COBLL1: variants seen among roughly 807,000 people sequenced by gnomAD.
COBLL1 encodes the protein cordon-bleu WH2 repeat protein like 1, also known as cordon-bleu protein-like 1.
COBLL1 carries 50 observed loss-of-function variants against 94.8 expected under a neutral mutation model. The observed-to-expected ratio is 0.53, with a 90% CI of 0.42 to 0.67. The LOEUF is 0.67. COBLL1 is among the 30% of genes least tolerant of loss of function. COBLL1 has a pLI of 0.00. For synonymous variants in COBLL1, 448 were observed against 473.8 expected (o/e 0.95, Z 0.71); for missense variants, 1,362 against 1,348.7 (o/e 1.01, Z -0.15).
intron 2 of COBLL1, among the ~76,000 whole-genome samples, chr2:164,818,003 ATTTAC>A (rs1001565516): frequency 4.0e-5 from 6 of 151,864 alleles, no homozygotes; most frequent in African/African-American, 1.5e-4. Context: ...GGCTTTGTGT[ATTTAC>A]TTTTTCATAT....
chr2:164,841,122 C>A lies in COBLL1; in HGVS notation c.41+34G>T. 8.1e-7 allele frequency: 1 copy of A among 1,229,416 alleles called. No homozygotes were observed. The highest frequency in any genetic ancestry group is 1.6e-5 in the African/African-American group (1 of 64,380). The allele number at this position is 1,229,416 out of a possible 1,614,324, so 76.2% of individuals were successfully genotyped here. On this transcript the variant is annotated intron_variant, in intron 2 of 13. Transcript: ENST00000652658. This position sits in a 1 kb window ranked among gnomAD's most constrained non-coding sequence, Gnocchi z 5.5. ...CGCTGTCCTCGCCGGCCTCGCCCTC[C>A]CCGGTGAGAGGCGGCGCGGCGCTCT...
chr2:164,834,870 C>G (rs892105318), intron 2 of COBLL1, among the ~76,000 whole-genome samples: 3 of 152,080 alleles, frequency 2.0e-5, no homozygotes, highest in Non-Finnish European at 4.4e-5. Context: ...AGATGATTTA[C>G]AAATGGCCAA....
At chr2:164,720,749 T>C (rs1685402808) in intron 7 of COBLL1, among the ~76,000 whole-genome samples, 1 of 152,194 alleles carries the variant, frequency 6.6e-6, no homozygotes, top group African/African-American at 2.4e-5. Context: ...CTGCGTCTCT[T>C]AACAGGGTTC....
At chr2:164,820,628 T>C (rs1408659989) in intron 2 of COBLL1, among the ~76,000 whole-genome samples, 3 of 152,222 alleles carry the variant, frequency 2.0e-5, no homozygotes, top group Non-Finnish European at 4.4e-5. Context: ...GTATTCATAC[T>C]GTTCAGCTAG....
At chr2:164,746,618 A>G (rs1046392715) in intron 2 of COBLL1, among the ~76,000 whole-genome samples, 2 of 152,190 alleles carry the variant, frequency 1.3e-5, no homozygotes, top group Admixed American at 1.3e-4. Flanking sequence ...AAACCATCAT[A>G]AATCCAGATG....
upstream of COBLL1, chr2:164,841,951 A>G: frequency 2.0e-6 from 3 of 1,535,846 alleles, no homozygotes; most frequent in East Asian, 2.5e-5. This position sits in a 1 kb window ranked among gnomAD's most constrained non-coding sequence, Gnocchi z 5.5. Flanking sequence ...CCGCTCTCTC[A>G]CTCACCCTGC....
chr2:164,675,380 C>T (rs1691318937), downstream of COBLL1, among the ~76,000 whole-genome samples: 1 of 152,180 alleles, frequency 6.6e-6, no homozygotes, highest in Non-Finnish European at 1.5e-5. Flanking sequence ...TATCTCTCAA[C>T]ACACTTGTCA....
intron 13 of COBLL1, among the ~76,000 whole-genome samples, chr2:164,689,228 A>G (rs911794965): frequency 1.4e-4 from 21 of 152,126 alleles, no homozygotes; most frequent in Admixed American, 3.9e-4. Flanking sequence ...TAATTGTTCT[A>G]TTGTGAACCA....
At chr2:164,704,804 A>T in intron 8 of COBLL1, 148 bp downstream of exon 8, 1 of 874,262 alleles carries the variant, frequency 1.1e-6, no homozygotes, top group Non-Finnish European at 1.7e-6. Flanking sequence ...TCAGATTTTT[A>T]AACGGCAGCA....
At chr2:164,747,533 G>C (rs974629678) in intron 2 of COBLL1, among the ~76,000 whole-genome samples, 1 of 152,100 alleles carries the variant, frequency 6.6e-6, no homozygotes, top group Non-Finnish European at 1.5e-5. Context: ...ACCTAGGCTG[G>C]AGTGCAGTGG....
At chr2:164,734,312 G>T (rs1003226166) in intron 3 of COBLL1, among the ~76,000 whole-genome samples, 1 of 151,756 alleles carries the variant, frequency 6.6e-6, no homozygotes, top group African/African-American at 2.4e-5. Context: ...TCTGCGGAAA[G>T]ATAGCTTTGA....
At chr2:164,830,007 A>G (rs1361705752) in intron 2 of COBLL1, among the ~76,000 whole-genome samples, 2 of 152,234 alleles carry the variant, frequency 1.3e-5, no homozygotes, top group African/African-American at 4.8e-5. Context: ...TCCTAGGGCC[A>G]TGGTGATAAT....
chr2:164,826,819 A>C (rs769404887), intron 2 of COBLL1, among the ~76,000 whole-genome samples: 6 of 152,268 alleles, frequency 3.9e-5, no homozygotes, highest in Middle Eastern at 6.8e-3. Context: ...GTAGAGTATT[A>C]GGCTTACTTA....
At chr2:164,780,913 A>T (rs1688696758) in intron 2 of COBLL1, among the ~76,000 whole-genome samples, 1 of 152,162 alleles carries the variant, frequency 6.6e-6, no homozygotes, top group South Asian at 2.1e-4. Context: ...TGTTCCACTA[A>T]GTCAACTTTA....
chr2:164,841,121 C>A lies in COBLL1; in HGVS notation c.41+35G>T. 1.6e-6 allele frequency: 2 copies of A among 1,229,340 alleles called. No homozygotes were observed. Among genetic ancestry groups the A allele is most frequent in the Non-Finnish European group, 2.0e-6 (2 of 986,326 alleles). The allele number at this position is 1,229,340 out of a possible 1,614,324, so 76.2% of individuals were successfully genotyped here. A position where few individuals can be genotyped will look rare whatever the true frequency, so the allele number is the denominator to read the frequency against. On this transcript the variant is annotated intron_variant, in intron 2 of 13. Coordinates refer to ENST00000652658, the MANE Select transcript of COBLL1 (RefSeq NM_001365672.2). This position sits in a 1 kb window ranked among gnomAD's most constrained non-coding sequence, Gnocchi z 5.5. ...TCGCTGTCCTCGCCGGCCTCGCCCT[C>A]CCCGGTGAGAGGCGGCGCGGCGCTC...
chr2:164,841,432 T>C lies in COBLL1; in HGVS notation c.-50-186A>G. On this transcript the variant is annotated intron_variant, in intron 1 of 13. Coordinates refer to ENST00000652658, the MANE Select transcript of COBLL1 (RefSeq NM_001365672.2). This position sits in a 1 kb window ranked among gnomAD's most constrained non-coding sequence, Gnocchi z 5.5. ...GCGCCGCCGCCGTCTCTACAAGGTC[T>C]AGCGGGCGCCCAGAGCACGGCGGAG... 1 of 1,145,718 alleles carries C rather than the reference T, an allele frequency of 8.7e-7. No homozygotes were observed. Among genetic ancestry groups the C allele is most frequent in the African/African-American group, 1.6e-5 (1 of 61,336 alleles). 71.0% of individuals were successfully genotyped at this position (1,145,718 alleles called of 1,614,324 possible). A position where few individuals can be genotyped will look rare whatever the true frequency, so the allele number is the denominator to read the frequency against.
At chr2:164,679,679 T>C (rs905769036), downstream of COBLL1, among the ~76,000 whole-genome samples, 28 of 150,958 alleles carry the variant, frequency 1.9e-4, no homozygotes, top group African/African-American at 6.6e-4. Context: ...TTAAAAATAA[T>C]GCCGTGTTCC....
intron 9 of COBLL1, chr2:164,703,576 AGGAGT>A: frequency 2.4e-6 from 1 of 419,180 alleles, no homozygotes; most frequent in Non-Finnish European, 4.7e-6. Context: ...AAAATCACAG[AGGAGT>A]GAAGAATTCT....
At chr2:164,679,675 A>G (rs1045131651), downstream of COBLL1, among the ~76,000 whole-genome samples, 4 of 151,480 alleles carry the variant, frequency 2.6e-5, no homozygotes, top group Non-Finnish European at 5.9e-5. Flanking sequence ...CCTCTTAAAA[A>G]TAATGCCGTG....
Sources: allele counts gnomAD v4.1 joint callset (sites outside exome capture counted in the v4.1 genomes callset), GRCh38; gene constraint gnomAD v4.1.1; non-coding constraint Gnocchi (gnomAD v3.1); transcripts MANE v1.5; gene names NCBI Gene and HGNC (gene_info 2026-07-23, HGNC 2026-07-21).